PTPRD: variants seen among roughly 807,000 people sequenced by gnomAD.
PTPRD encodes receptor-type tyrosine-protein phosphatase delta.
PTPRD carries 34 observed loss-of-function variants against 214.5 expected under a neutral mutation model. That is an observed-to-expected ratio of 0.16 (90% CI 0.12 to 0.21). PTPRD has a LOEUF of 0.21. Among genes scored for constraint, PTPRD ranks in the 10% least tolerant of loss-of-function variants. The pLI is 1.00. For missense variants in PTPRD, 2,545 were observed against 2,398.7 expected, an observed-to-expected ratio of 1.06 and a Z score of -1.27; for synonymous variants, 1,128 against 845.7, an observed-to-expected ratio of 1.33 and a Z score of -5.79.
intron 4 of PTPRD, among the ~76,000 whole-genome samples, chr9:10,005,100 A>T (rs1285130593): frequency 6.6e-6 from 1 of 151,460 alleles, no homozygotes; most frequent in Admixed American, 6.6e-5. Context: ...TTCCTATAAG[A>T]TTTTTTTTTG....
chr9:9,421,753 T>C (rs1022246032), intron 8 of PTPRD, among the ~76,000 whole-genome samples: 1 of 152,082 alleles, frequency 6.6e-6, no homozygotes, highest in Non-Finnish European at 1.5e-5. Context: ...AAAAGCTCGT[T>C]TGGTATTGTA....
At chr9:9,917,153 A>T (rs183580074) in intron 5 of PTPRD, among the ~76,000 whole-genome samples, 1,722 of 151,476 alleles carry the variant, frequency 0.011, 18 homozygotes, top group Non-Finnish European at 0.019. Context: ...ATGTCTAGAA[A>T]AGAACAAACT....
intron 3 of PTPRD, among the ~76,000 whole-genome samples, chr9:10,324,535 C>T (rs1248367710): frequency 6.6e-6 from 1 of 152,004 alleles, no homozygotes. Flanking sequence ...TTGCCTGAGA[C>T]ATCTGTCTCT....
chr9:9,323,012 T>G (rs138424401), intron 9 of PTPRD, among the ~76,000 whole-genome samples: 1 of 152,170 alleles, frequency 6.6e-6, no homozygotes, highest in African/African-American at 2.4e-5. Flanking sequence ...CTAGTGCTAG[T>G]CTGAAGGAAT....
At chr9:9,014,085 C>T (rs562442933) in intron 11 of PTPRD, among the ~76,000 whole-genome samples, 36 of 151,814 alleles carry the variant, frequency 2.4e-4, no homozygotes, top group Admixed American at 6.6e-4. Context: ...ATAAGTAAAT[C>T]GTAAGCTCTA....
intron 3 of PTPRD, among the ~76,000 whole-genome samples, chr9:10,054,107 A>T (rs940870501): frequency 2.6e-5 from 4 of 152,064 alleles, no homozygotes; most frequent in Non-Finnish European, 5.9e-5. Flanking sequence ...AAACTTTCCA[A>T]ATATAAAAAC....
rs2096896234 is a variant in PTPRD at position 10,025,010 on chromosome 9, T to A, written c.-472+8708A>T. 2.0e-5 allele frequency among the ~76,000 whole-genome samples: 3 copies of A among 151,896 alleles called. No homozygotes were observed. The South Asian group carries it at 6.2e-4, about 32-fold the overall frequency. The stretch of plus-strand genomic sequence containing the variant: ...ATTCCATGGTGTATATGTGCCACAT[T>A]TTCTTAATCCAGTCTATCATTGTTG... On this transcript the variant is annotated intron_variant, in intron 4 of 45. Transcript: ENST00000381196.
chr9:8,849,441 T>C (rs1351197179), intron 11 of PTPRD, among the ~76,000 whole-genome samples: 9 of 152,166 alleles, frequency 5.9e-5, no homozygotes, highest in Admixed American at 5.9e-4. Context: ...TTAGCCAGAA[T>C]GGTCTCGATC....
At chr9:9,229,203 G>T (rs994054434) in intron 9 of PTPRD, among the ~76,000 whole-genome samples, 1 of 151,950 alleles carries the variant, frequency 6.6e-6, no homozygotes, top group Non-Finnish European at 1.5e-5. Context: ...CAACTTACAG[G>T]TATTATCCTT....
chr9:9,838,025 T>A (rs1363397356), intron 5 of PTPRD, among the ~76,000 whole-genome samples: 1 of 152,152 alleles, frequency 6.6e-6, no homozygotes, highest in Non-Finnish European at 1.5e-5. Flanking sequence ...GGTGTTTGGT[T>A]TTGTGTCCTT....
intron 26 of PTPRD, among the ~76,000 whole-genome samples, chr9:8,496,812 A>G (rs542910557): frequency 6.6e-6 from 1 of 152,246 alleles, no homozygotes; most frequent in Non-Finnish European, 1.5e-5. Context: ...ACAAACTTGT[A>G]AACTTTCTTA....
At position 9,970,666 on chromosome 9, in the gene PTPRD, T is replaced by C. The variant is rs575021785; in HGVS notation, c.-471-32056A>G. On this transcript the variant is annotated intron_variant, in intron 4 of 45. Coordinates refer to ENST00000381196, the MANE Select transcript of PTPRD (RefSeq NM_002839.4). ...TTTGTTTAGGTAGTTACAGAGAACATGAAGAAAGGGCATTCACCAGGAGTC... is the reference window on the plus strand; with the variant it reads ...TTTGTTTAGGTAGTTACAGAGAACACGAAGAAAGGGCATTCACCAGGAGTC... 6.0e-4 allele frequency among the ~76,000 whole-genome samples: 91 copies of C among 152,188 alleles called. No homozygotes were observed. The Middle Eastern group carries it at 0.014, about 23-fold the overall frequency.
chr9:10,122,898 AGGCAGCCT>A (rs1436962661), intron 3 of PTPRD, among the ~76,000 whole-genome samples: 1 of 152,218 alleles, frequency 6.6e-6, no homozygotes, highest in African/African-American at 2.4e-5. Context: ...TCCTTGACAG[AGGCAGCCT>A]GGAAACAGAT....
chr9:9,956,687 A>G (rs936440991), intron 4 of PTPRD, among the ~76,000 whole-genome samples: 2 of 152,098 alleles, frequency 1.3e-5, no homozygotes, highest in African/African-American at 4.8e-5. Context: ...TGGCCCATAC[A>G]TGAATGAGAC....
chr9:9,587,869 G>T (rs756973388), intron 7 of PTPRD, among the ~76,000 whole-genome samples: 2 of 151,932 alleles, frequency 1.3e-5, no homozygotes, highest in Non-Finnish European at 2.9e-5. Flanking sequence ...TGGAATTGGA[G>T]GATAAAGAGA....
intron 11 of PTPRD, among the ~76,000 whole-genome samples, chr9:9,014,153 CTGTT>C (rs1214226322): frequency 6.7e-6 from 1 of 149,428 alleles, no homozygotes; most frequent in Non-Finnish European, 1.5e-5. Flanking sequence ...AAATGAATAA[CTGTT>C]TGGTCCATGC....
chr9:8,978,267 A>G (rs1315116557), intron 11 of PTPRD, among the ~76,000 whole-genome samples: 1 of 152,102 alleles, frequency 6.6e-6, no homozygotes, highest in African/African-American at 2.4e-5. Context: ...TGCATGGACA[A>G]CATTCTTCAT....
At chr9:10,523,931 T>A (rs185416019) in intron 2 of PTPRD, among the ~76,000 whole-genome samples, 2 of 151,944 alleles carry the variant, frequency 1.3e-5, no homozygotes, top group Admixed American at 1.3e-4. Context: ...GTCACAGGTA[T>A]GATGGCTTAA....
chr9:9,126,057 G>C (rs1286882307), intron 10 of PTPRD, among the ~76,000 whole-genome samples: 1 of 152,194 alleles, frequency 6.6e-6, no homozygotes, highest in South Asian at 2.1e-4. Flanking sequence ...AGAATAGTAA[G>C]AGATGAGATT....
Sources: allele counts gnomAD v4.1 joint callset (sites outside exome capture counted in the v4.1 genomes callset), GRCh38; gene constraint gnomAD v4.1.1; transcripts MANE v1.5; gene names NCBI Gene and HGNC (gene_info 2026-07-23, HGNC 2026-07-21).